Variants in FRMD6 observed in about 807,000 individuals in gnomAD.
FRMD6 encodes the protein FERM domain-containing protein 6.
FRMD6 carries 37 observed loss-of-function variants against 73.2 expected under a neutral mutation model. The observed-to-expected ratio is 0.51, with a 90% confidence interval of 0.39 to 0.66. The LOEUF is 0.66. Among genes scored for constraint, FRMD6 ranks in the 30% least tolerant of loss-of-function variants. The pLI, the probability that FRMD6 is intolerant of heterozygous loss-of-function variation, is 0.00. For synonymous variants in FRMD6, 273 were observed against 282.2 expected (o/e 0.97, Z 0.33); for missense variants, 714 against 780.5 (o/e 0.91, Z 1.02).
At chr14:51,623,189 T>C (rs1890994144) in intron 2 of FRMD6, among the ~76,000 whole-genome samples, 1 of 152,172 alleles carries the variant, frequency 6.6e-6, no homozygotes, top group Non-Finnish European at 1.5e-5. Context: ...GTATATGGAA[T>C]GTGAGAAAGG....
the FRMD6 span, among the ~76,000 whole-genome samples, chr14:51,474,491 C>T: frequency 2.6e-5 from 4 of 152,090 alleles, no homozygotes; most frequent in East Asian, 1.9e-4. Flanking sequence ...CTGGTGGGGC[C>T]GGAGGAGTTT....
intron 4 of FRMD6, 28 bp from the exon 5 acceptor site, chr14:51,702,484 T>A: frequency 6.3e-7 from 1 of 1,591,770 alleles, no homozygotes; most frequent in Non-Finnish European, 8.6e-7. Context: ...AGAAATAGCT[T>A]GATTTTTGTG....
the FRMD6 span, among the ~76,000 whole-genome samples, chr14:51,400,945 A>G: frequency 6.6e-6 from 1 of 152,252 alleles, no homozygotes; most frequent in Non-Finnish European, 1.5e-5. Flanking sequence ...GTAATGCAGC[A>G]TTAAATATCT....
At chr14:51,423,345 G>T in the FRMD6 span, among the ~76,000 whole-genome samples, 2 of 152,142 alleles carry the variant, frequency 1.3e-5, no homozygotes, top group African/African-American at 2.4e-5. Context: ...AAGGATCCAC[G>T]CACTGCAGCC....
the FRMD6 span, among the ~76,000 whole-genome samples, chr14:51,410,849 T>C: frequency 6.6e-6 from 1 of 152,218 alleles, no homozygotes; most frequent in African/African-American, 2.4e-5. Context: ...TATCTGTGTG[T>C]AATGTAATGT....
chr14:51,583,686 T>A (rs1418352670), intron 2 of FRMD6, among the ~76,000 whole-genome samples: 1 of 152,194 alleles, frequency 6.6e-6, no homozygotes, highest in Admixed American at 6.5e-5. Context: ...AGGATTTGAC[T>A]CCAGGTGGTC....
chr14:51,533,986 C>T (rs144868344), intron 1 of FRMD6, among the ~76,000 whole-genome samples: 50 of 152,308 alleles, frequency 3.3e-4, no homozygotes, highest in Middle Eastern at 6.8e-3. Flanking sequence ...AGCAGAATTG[C>T]AGCTTCTAGG....
At chr14:51,423,424 A>C in the FRMD6 span, among the ~76,000 whole-genome samples, 1 of 152,168 alleles carries the variant, frequency 6.6e-6, no homozygotes, top group Non-Finnish European at 1.5e-5. Context: ...CTACTTCTTC[A>C]TGTAGACTCT....
chr14:51,662,055 A>G (rs1410234289), intron 1 of FRMD6, among the ~76,000 whole-genome samples: 1 of 152,136 alleles, frequency 6.6e-6, no homozygotes, highest in Non-Finnish European at 1.5e-5. Flanking sequence ...GAAATAGAGA[A>G]ACGGTTCTAT....
At chr14:51,544,291 A>G (rs1409542673) in intron 1 of FRMD6, among the ~76,000 whole-genome samples, 2 of 152,112 alleles carry the variant, frequency 1.3e-5, no homozygotes, top group Non-Finnish European at 2.9e-5. Context: ...ATATTCACAT[A>G]TAAAATTCTG....
At chr14:51,425,139 C>G in the FRMD6 span, among the ~76,000 whole-genome samples, 3 of 152,210 alleles carry the variant, frequency 2.0e-5, no homozygotes, top group Non-Finnish European at 4.4e-5. Flanking sequence ...CTCACTGGCA[C>G]CAAGCAATGC....
At chr14:51,702,458 C>T in intron 4 of FRMD6, 54 bp from the exon 5 acceptor site, 1 of 1,463,106 alleles carries the variant, frequency 6.8e-7, no homozygotes, top group Non-Finnish European at 9.5e-7. Flanking sequence ...TTTTGAAACC[C>T]ATTTTCAAAG....
chr14:51,596,417 T>C (rs1311946726), intron 2 of FRMD6, among the ~76,000 whole-genome samples: 1 of 152,154 alleles, frequency 6.6e-6, no homozygotes, highest in East Asian at 1.9e-4. Context: ...TATTATAAGC[T>C]GATACCTACT....
chr14:51,585,021 G>A (rs1038812982), intron 2 of FRMD6, among the ~76,000 whole-genome samples: 6 of 152,256 alleles, frequency 3.9e-5, no homozygotes, highest in African/African-American at 1.2e-4. Context: ...GTCCTTGCAC[G>A]TAGTGAACAC....
rs1898107238 is a variant in FRMD6, at chr14:51,728,512, A to G, written c.*483A>G. 1 of 164,026 alleles carries G rather than the reference A, an allele frequency of 6.1e-6. No individual in the cohort carries two copies. Among genetic ancestry groups the G allele is most frequent in the South Asian group, 1.5e-4 (1 of 6,544 alleles). 10.2% of individuals were successfully genotyped at this position (164,026 alleles called of 1,614,324 possible). A position where few individuals can be genotyped will look rare whatever the true frequency, so the allele number is the denominator to read the frequency against. Reference sequence around the variant, plus strand: ...AGAGAGATGATTGCTCTGTATACCCATTGCTTCCTCCCTGAGGCTGTCCCA... The same window carrying G: ...AGAGAGATGATTGCTCTGTATACCCGTTGCTTCCTCCCTGAGGCTGTCCCA... On this transcript the variant is annotated 3_prime_UTR_variant, in exon 14 of 14. Transcript: ENST00000344768.
the FRMD6 span, among the ~76,000 whole-genome samples, chr14:51,452,794 G>T: frequency 6.6e-6 from 1 of 152,234 alleles, no homozygotes; most frequent in African/African-American, 2.4e-5. Context: ...AGGAAAGGCT[G>T]AAGACAGGGT....
intron 1 of FRMD6, among the ~76,000 whole-genome samples, chr14:51,549,581 C>A (rs374409947): frequency 6.7e-5 from 8 of 118,826 alleles, no homozygotes; most frequent in African/African-American, 2.6e-4. Flanking sequence ...GGAGTATAAA[C>A]TTTTTTTTTC....
At chr14:51,606,359 C>T (rs1430191537) in intron 2 of FRMD6, among the ~76,000 whole-genome samples, 1 of 152,162 alleles carries the variant, frequency 6.6e-6, no homozygotes, top group East Asian at 1.9e-4. Context: ...TGCACATGCC[C>T]ACACATATAA....
chr14:51,494,301 G>T (rs955466473), intron 1 of FRMD6, among the ~76,000 whole-genome samples: 10 of 152,278 alleles, frequency 6.6e-5, no homozygotes, highest in Admixed American at 5.9e-4. Context: ...GAGGCAAATT[G>T]CTCTCTAGCT....
Sources: allele counts gnomAD v4.1 joint callset (sites outside exome capture counted in the v4.1 genomes callset), GRCh38; gene constraint gnomAD v4.1.1; transcripts MANE v1.5; gene names NCBI Gene and HGNC (gene_info 2026-07-23, HGNC 2026-07-21).